EPAS1: variants seen among roughly 807,000 people sequenced by gnomAD.
EPAS1 encodes the protein endothelial PAS domain protein 1, also known as endothelial PAS domain-containing protein 1.
EPAS1 carries 23 observed loss-of-function variants against 87.9 expected under a neutral mutation model. The observed-to-expected ratio is 0.26, with a 90% confidence interval of 0.19 to 0.37. EPAS1 has a LOEUF of 0.37. Among genes scored for constraint, EPAS1 ranks in the 10% least tolerant of loss-of-function variants. The probability of loss-of-function intolerance (pLI) is 1.00; values close to 1 mark genes in which losing one functional copy is unlikely to be tolerated. For missense variants in EPAS1, 1,138 were observed against 1,120.7 expected, an observed-to-expected ratio of 1.02 and a Z score of -0.22; for synonymous variants, 508 against 444.3, an observed-to-expected ratio of 1.14 and a Z score of -1.80.
chr2:46,380,821 TCTGATACCC>T lies in EPAS1; in HGVS notation c.2045+106_2045+114del. On this transcript the variant is annotated intron_variant, in intron 12 of 15. Coordinates refer to ENST00000263734, the MANE Select transcript of EPAS1 (RefSeq NM_001430.5). The surrounding 1 kb of genome is among the most constrained non-coding windows in gnomAD (Gnocchi z 4.4). ...AGGCCCCTGCCCCTCTCCCCAGCCA[TCTGATACCC>T]CATTTAGCCCTTCTCTGAGCTCAGA... 1 of 1,571,620 alleles carries T rather than the reference TCTGATACCC, an allele frequency of 6.4e-7. No homozygotes were observed. Among genetic ancestry groups the T allele is most frequent in the Non-Finnish European group, 8.6e-7 (1 of 1,158,290 alleles).
chr2:46,324,131 A>T (rs1421130577), intron 1 of EPAS1, among the ~76,000 whole-genome samples: 7 of 152,118 alleles, frequency 4.6e-5, no homozygotes, highest in Non-Finnish European at 1.0e-4. Context: ...CGGTGGTGCG[A>T]TCTTGGCTCA....
chr2:46,349,923 T>C (rs1397701920), intron 2 of EPAS1, among the ~76,000 whole-genome samples: 1 of 152,230 alleles, frequency 6.6e-6, no homozygotes, highest in Non-Finnish European at 1.5e-5. Flanking sequence ...TTCTCTGCAA[T>C]GTAGTAAAAA....
chr2:46,379,014 A>G (rs1045565533), intron 11 of EPAS1, among the ~76,000 whole-genome samples: 1 of 152,236 alleles, frequency 6.6e-6, no homozygotes, highest in African/African-American at 2.4e-5. Context: ...CTTAGCACAC[A>G]TGAAAACCGA....
chr2:46,329,324 A>G (rs1280334893), intron 1 of EPAS1, among the ~76,000 whole-genome samples: 1 of 152,136 alleles, frequency 6.6e-6, no homozygotes, highest in Non-Finnish European at 1.5e-5. Context: ...ACCTATGCCG[A>G]CAGTCCTTGC....
intron 1 of EPAS1, among the ~76,000 whole-genome samples, chr2:46,343,578 G>A (rs1298011849): frequency 1.3e-5 from 2 of 152,206 alleles, no homozygotes; most frequent in Non-Finnish European, 2.9e-5. Context: ...TCTCAGGGTT[G>A]TGAGAATCAA....
At position 46,330,781 on chromosome 2, in the gene EPAS1, C is replaced by A. The variant is rs187584623; in HGVS notation, c.27-16092C>A. The stretch of plus-strand genomic sequence containing the variant: ...TCCCAAGCATTGTTCTGGAGTTCAG[C>A]CCCTGTTGGCAAGACCTGTCCTCCT... On this transcript the variant is annotated intron_variant, in intron 1 of 15. Transcript: ENST00000263734. Among the ~76,000 whole-genome samples, 189 of 152,194 alleles carry A rather than the reference C, an allele frequency of 1.2e-3. 2 individuals carry two copies. Among genetic ancestry groups the A allele is most frequent in the Non-Finnish European group, 8.1e-4 (55 of 68,030 alleles).
chr2:46,323,546 G>T lies in EPAS1; in HGVS notation c.27-23327G>T, dbSNP rs573255998. 7.9e-5 allele frequency among the ~76,000 whole-genome samples: 12 copies of T among 152,316 alleles called. No individual in the cohort carries two copies. In the East Asian group the frequency reaches 1.9e-3, roughly 25 times the overall value. On this transcript the variant is annotated intron_variant, in intron 1 of 15. Coordinates refer to ENST00000263734, the MANE Select transcript of EPAS1 (RefSeq NM_001430.5). ...TTGCTTGTGAAAGTACAAAGCATAG[G>T]TGTATCCTGGAGGTAGGGAACAGTA...
At chr2:46,340,470 G>C (rs1032998412) in intron 1 of EPAS1, among the ~76,000 whole-genome samples, 1 of 152,148 alleles carries the variant, frequency 6.6e-6, no homozygotes, top group Non-Finnish European at 1.5e-5. Flanking sequence ...GAAAGCATTT[G>C]TCCCTGTTTT....
At chr2:46,345,331 A>G (rs570004226) in intron 1 of EPAS1, among the ~76,000 whole-genome samples, 2 of 152,338 alleles carry the variant, frequency 1.3e-5, no homozygotes, top group African/African-American at 4.8e-5. Flanking sequence ...TAGGTTATTT[A>G]TAGAAACACA....
At chr2:46,348,261 A>G (rs1168862311) in intron 2 of EPAS1, among the ~76,000 whole-genome samples, 1 of 152,214 alleles carries the variant, frequency 6.6e-6, no homozygotes, top group Non-Finnish European at 1.5e-5. Context: ...GATATGCTCC[A>G]TAAATACTTT....
intron 9 of EPAS1, among the ~76,000 whole-genome samples, chr2:46,377,504 A>G (rs1572647163): frequency 6.6e-6 from 1 of 152,240 alleles, no homozygotes; most frequent in African/African-American, 2.4e-5. Context: ...TCTGAAACGC[A>G]GCGGGCCCTT....
intron 9 of EPAS1, 124 bp from the exon 10 acceptor site, chr2:46,377,770 G>A (rs150914140): frequency 5.0e-5 from 76 of 1,511,972 alleles, no homozygotes; most frequent in Middle Eastern, 3.7e-4. Context: ...GTGTTGGGGG[G>A]GCCTAGCCCC....
rs35880089 is a variant in EPAS1 at position 46,302,118 on chromosome 2, CTGTGTG to C, written c.26+4208_26+4213del. Among the ~76,000 whole-genome samples, 403 of 127,586 alleles carry C rather than the reference CTGTGTG, an allele frequency of 3.2e-3. 7 individuals carry two copies. In the South Asian group the frequency reaches 0.039, roughly 12 times the overall value. The allele number at this position is 127,586 out of a possible 152,430, so 83.7% of individuals were successfully genotyped here. A position where few individuals can be genotyped will look rare whatever the true frequency, so the allele number is the denominator to read the frequency against. ...TTACTTAGAATGTCCCTCTTTCTCTCTGTGTGTGTGTGTGTGTGTGTGTGTGTGTGT... is the reference window on the plus strand; with the variant it reads ...TTACTTAGAATGTCCCTCTTTCTCTCTGTGTGTGTGTGTGTGTGTGTGTGT... On this transcript the variant is annotated intron_variant, in intron 1 of 15. Transcript: ENST00000263734.
intron 1 of EPAS1, chr2:46,335,953 G>T (rs2017698117): frequency 6.6e-6 from 1 of 152,236 alleles, no homozygotes; most frequent in South Asian, 2.1e-4. Context: ...TCTGTCCATA[G>T]AGTTCTCTTG....
chr2:46,368,286 G>A (rs1244143488), intron 6 of EPAS1, among the ~76,000 whole-genome samples: 7 of 152,180 alleles, frequency 4.6e-5, no homozygotes, highest in South Asian at 2.1e-4. Context: ...AGGTGTCAGG[G>A]CTTGGAGAAG....
In EPAS1 at chr2:46,311,872, G is replaced by A. The variant is rs116599680; in HGVS notation, c.26+13935G>A. Among the ~76,000 whole-genome samples the A allele has an allele frequency of 5.4e-3, 823 of 152,278 alleles. 8 individuals are homozygous for A. The highest frequency in any genetic ancestry group is 0.019 in the African/African-American group (784 of 41,544). ...AAAGCCTGGTGAGCAGAAAACCCAG[G>A]CAGAAAGGAGTCTGGGTGACTGTGA... On this transcript the variant is annotated intron_variant, in intron 1 of 15. Coordinates refer to ENST00000263734, the MANE Select transcript of EPAS1 (RefSeq NM_001430.5).
At chr2:46,355,924 C>T (rs543589093) in intron 2 of EPAS1, among the ~76,000 whole-genome samples, 1 of 152,358 alleles carries the variant, frequency 6.6e-6, no homozygotes, top group East Asian at 1.9e-4. Context: ...GCCAGAAGTA[C>T]TGTTGTCACA....
intron 2 of EPAS1, among the ~76,000 whole-genome samples, chr2:46,355,409 G>A (rs1387216488): frequency 1.3e-5 from 2 of 152,174 alleles, no homozygotes; most frequent in African/African-American, 4.8e-5. Context: ...GTTGAGTGTG[G>A]CTTCTGGATT....
Position 46,380,380 on chromosome 2 carries a change from A to G in EPAS1, c.1708A>G (p.Ile570Val). 6.2e-7 allele frequency: 1 copy of G among 1,614,028 alleles called. No individual in the cohort carries two copies. Among genetic ancestry groups the G allele is most frequent in the Non-Finnish European group, 8.5e-7 (1 of 1,179,990 alleles). Residue 570 changes from isoleucine to valine, a missense_variant, in exon 12 of 16, where the codon ATC (isoleucine) becomes GTC (valine). Physicochemically the swap from Ile to Val is conservative, Grantham distance 29 (BLOSUM62 3). This residue lies in a region of EPAS1 where 502 missense variants were observed against 427.1 expected (regional missense o/e 1.18). Coordinates refer to ENST00000263734, the MANE Select transcript of EPAS1 (RefSeq NM_001430.5). This position sits in a 1 kb window ranked among gnomAD's most constrained non-coding sequence, Gnocchi z 4.4. ...PQHCFSAMTNIFQPLAPVAPH... is the reference protein window; with the variant it reads ...PQHCFSAMTNVFQPLAPVAPH... ...GCACTGCTTCAGTGCCATGACAAAC[A>G]TCTTCCAGCCACTGGCCCCTGTAGC...
Sources: gnomAD v4.1 joint callset for allele counts (sites outside exome capture counted in the v4.1 genomes callset) on GRCh38, gnomAD v4.1.1 for gene constraint, gnomAD v4.1.1 regional missense constraint, Gnocchi (gnomAD v3.1) non-coding constraint, MANE v1.5 for transcripts, NCBI Gene and HGNC (gene_info 2026-07-23, HGNC 2026-07-21) for gene names.